SLC9A9: variants seen among roughly 807,000 people sequenced by gnomAD.
SLC9A9 encodes sodium/hydrogen exchanger 9.
In SLC9A9, 62 loss-of-function variants were observed where a neutral mutation model predicts 77.8. The observed-to-expected ratio is 0.80, with a 90% CI of 0.65 to 0.98. The LOEUF is 0.98. Ranked by LOEUF, SLC9A9 falls within the 50% of genes least tolerant of loss-of-function variation. The pLI is 0.00. For synonymous variants in SLC9A9, 320 were observed against 283.5 expected (o/e 1.13, Z -1.29); for missense variants, 775 against 774.9 (o/e 1.00, Z 0.00).
At chr3:143,827,272 A>C (rs1346335610) in intron 2 of SLC9A9, among the ~76,000 whole-genome samples, 1 of 152,184 alleles carries the variant, frequency 6.6e-6, no homozygotes, top group African/African-American at 2.4e-5. Context: ...GAACAATTTG[A>C]CAAATGGTGG....
intron 1 of SLC9A9, among the ~76,000 whole-genome samples, chr3:143,841,756 T>TTTCTTTTTTTTTCTTTG (rs2009712424): frequency 4.9e-5 from 1 of 20,518 alleles, no homozygotes; most frequent in African/African-American, 7.9e-5. Context: ...TAGAGGCTCT[T>TTTCTTTTTTTTTCTTTG]TTCTTTATTT....
At chr3:143,760,121 T>A (rs1026809805) in intron 4 of SLC9A9, among the ~76,000 whole-genome samples, 1 of 152,142 alleles carries the variant, frequency 6.6e-6, no homozygotes, top group Non-Finnish European at 1.5e-5. Context: ...ATTGGCTTTA[T>A]GGAAATGGTT....
At chr3:143,359,131 A>G (rs922296927) in intron 14 of SLC9A9, among the ~76,000 whole-genome samples, 5 of 152,090 alleles carry the variant, frequency 3.3e-5, no homozygotes, top group African/African-American at 1.2e-4. Flanking sequence ...AATTAATTGG[A>G]TTTTCCTGCT....
intron 14 of SLC9A9, among the ~76,000 whole-genome samples, chr3:143,306,819 C>G (rs1421095408): frequency 6.6e-6 from 1 of 152,214 alleles, no homozygotes; most frequent in Non-Finnish European, 1.5e-5. Context: ...GGCAAACTCA[C>G]TCCTACACTC....
Position 143,574,170 on chromosome 3 carries a change from A to G in SLC9A9, c.918T>C (p.Cys306=), listed in dbSNP as rs6763202. The stretch of plus-strand genomic sequence containing the variant: ...GGCCGGTTTCCAGCATCGGGAACTC[A>G]CACAGCTTGGTAAATTTGGTCAAGT... ...TALLTKFTKL[C]EFPMLETGLF... The change falls in exon 8 of 16, where the codon TGT becomes TGC. Residue 306 remains cysteine, a synonymous_variant. Transcript: ENST00000316549. The G allele has an allele frequency of 0.27, 428,888 of 1,612,362 alleles. 59,060 individuals carry two copies. The highest frequency in any genetic ancestry group is 0.41 in the African/African-American group (30,621 of 74,864).
At chr3:143,303,883 A>G (rs907189435) in intron 14 of SLC9A9, among the ~76,000 whole-genome samples, 1 of 152,226 alleles carries the variant, frequency 6.6e-6, no homozygotes, top group Non-Finnish European at 1.5e-5. Flanking sequence ...GGTCCCCTAA[A>G]AAGATGACTT....
At chr3:143,418,615 T>C (rs1321245910) in intron 12 of SLC9A9, among the ~76,000 whole-genome samples, 2 of 152,152 alleles carry the variant, frequency 1.3e-5, no homozygotes, top group African/African-American at 4.8e-5. Context: ...AGTCCTCAGC[T>C]GATGAGGAGC....
chr3:143,786,098 G>A (rs1444843862), intron 4 of SLC9A9, among the ~76,000 whole-genome samples: 4 of 151,696 alleles, frequency 2.6e-5, no homozygotes, highest in South Asian at 2.1e-4. Context: ...CTCGTGATCC[G>A]CCCGTCTCGG....
intron 1 of SLC9A9, among the ~76,000 whole-genome samples, chr3:143,840,528 T>C (rs1379732166): frequency 6.6e-6 from 1 of 152,232 alleles, no homozygotes; most frequent in East Asian, 1.9e-4. Flanking sequence ...ACTTGCAACA[T>C]GACTATCCCT....
intron 5 of SLC9A9, among the ~76,000 whole-genome samples, chr3:143,676,606 G>A (rs1185486142): frequency 2.0e-5 from 3 of 151,938 alleles, no homozygotes; most frequent in East Asian, 1.9e-4. Flanking sequence ...GCGTGGCGGC[G>A]TGTGTCTGTA....
chr3:143,848,087 C>T, intron 1 of SLC9A9, 61 bp downstream of exon 1: 1 of 1,473,090 alleles, frequency 6.8e-7, no homozygotes, highest in Non-Finnish European at 9.5e-7. Flanking sequence ...TATCTGAGCA[C>T]AAGTCTCTAA....
chr3:143,278,030 G>C (rs1204232601), intron 14 of SLC9A9, among the ~76,000 whole-genome samples: 1 of 152,126 alleles, frequency 6.6e-6, no homozygotes, highest in South Asian at 2.1e-4. Flanking sequence ...CCCCCGCTTG[G>C]CTCCCAAAAT....
Position 143,266,609 on chromosome 3 carries a change from C to A in SLC9A9, c.*93G>T. 7.8e-7 allele frequency: 1 copy of A among 1,278,576 alleles called. No homozygotes were observed. Among genetic ancestry groups the A allele is most frequent in the Non-Finnish European group, 1.1e-6 (1 of 888,954 alleles). The allele number at this position is 1,278,576 out of a possible 1,614,324, so 79.2% of individuals were successfully genotyped here. Reference sequence around the variant, plus strand: ...CCAATTTATGCTCTTAATATGTTTTCCAGCCTCTCCCCTGTACTGCCTCAT... The same window carrying A: ...CCAATTTATGCTCTTAATATGTTTTACAGCCTCTCCCCTGTACTGCCTCAT... On this transcript the variant is annotated 3_prime_UTR_variant, in exon 16 of 16. Transcript: ENST00000316549.
Position 143,311,623 on chromosome 3 carries a change from T to C in SLC9A9, c.1605-42643A>G, listed in dbSNP as rs184707427. Among the ~76,000 whole-genome samples, 433 of 152,284 alleles carry C rather than the reference T, an allele frequency of 2.8e-3. 4 individuals are homozygous for C. The highest frequency in any genetic ancestry group is 4.2e-3 in the Non-Finnish European group (287 of 68,024). ...GAATTAGGACCAGGTACAGTTGTAT[T>C]AGAAGCAGGTGATATGTCAGGTCTC... On this transcript the variant is annotated intron_variant, in intron 14 of 15. Coordinates refer to ENST00000316549, the MANE Select transcript of SLC9A9 (RefSeq NM_173653.4).
Position 143,382,108 on chromosome 3 carries a change from G to A in SLC9A9, c.1476C>T (p.Gly492=), listed in dbSNP as rs201448381. ...CCTTCAGATTTTCATCCAGGTCCAC[G>A]CCAACTCTGTTAAACAAAACCAAAA... ...PMLTWLQIRV[G]VDLDENLKED... Residue 492 remains glycine, a synonymous_variant, in exon 13 of 16, where the codon GGC becomes GGT. Transcript: ENST00000316549. 5.2e-5 allele frequency: 84 copies of A among 1,613,888 alleles called. No individual in the cohort carries two copies. The highest frequency in any genetic ancestry group is 5.8e-5 in the Non-Finnish European group (68 of 1,179,940).
chr3:143,595,811 C>A (rs1254157296), intron 6 of SLC9A9, among the ~76,000 whole-genome samples: 6 of 152,186 alleles, frequency 3.9e-5, no homozygotes, highest in Non-Finnish European at 7.3e-5. Flanking sequence ...CCCGATCTGG[C>A]ACTGTTGGGT....
chr3:143,287,244 G>A (rs992370733), intron 14 of SLC9A9, among the ~76,000 whole-genome samples: 5 of 152,296 alleles, frequency 3.3e-5, no homozygotes, highest in Admixed American at 1.3e-4. Flanking sequence ...TCCCTATTTT[G>A]TAGTTTGAGC....
chr3:143,652,486 A>G, intron 5 of SLC9A9, 126 bp from the exon 6 acceptor site: 1 of 743,700 alleles, frequency 1.3e-6, no homozygotes, highest in East Asian at 2.7e-5. Context: ...CTATACTAAC[A>G]CCAGACCTTT....
intron 5 of SLC9A9, among the ~76,000 whole-genome samples, chr3:143,661,087 G>T (rs4839651): frequency 0.15 from 22,261 of 152,008 alleles, 2,390 homozygotes; most frequent in African/African-American, 0.31. Flanking sequence ...GTGCAATCAC[G>T]GTGAAGAATT....
Sources: allele counts gnomAD v4.1 joint callset (sites outside exome capture counted in the v4.1 genomes callset), GRCh38; gene constraint gnomAD v4.1.1; transcripts MANE v1.5; gene names NCBI Gene and HGNC (gene_info 2026-07-23, HGNC 2026-07-21).